The following ITGB5 variants were observed in gnomAD, a reference collection of about 807,000 sequenced individuals.
The protein encoded by ITGB5 is integrin beta-5.
A neutral mutation model predicts 84.8 loss-of-function variants in ITGB5; 38 were observed. The ratio of observed to expected loss-of-function variants is 0.45; its 90% CI spans 0.35 to 0.59. The LOEUF is 0.59. Among genes scored for constraint, ITGB5 ranks in the 20% least tolerant of loss-of-function variants. The pLI is 0.01. For missense variants in ITGB5, 905 were observed against 1,034.5 expected (o/e 0.87, Z 1.72); for synonymous variants, 393 against 414.4 (o/e 0.95, Z 0.63).
At chr3:124,863,998 A>G (rs1559975983) in intron 2 of ITGB5, among the ~76,000 whole-genome samples, 1 of 150,532 alleles carries the variant, frequency 6.6e-6, no homozygotes, top group African/African-American at 2.4e-5. Context: ...AAAAAAAAGA[A>G]AGAGAGAGAG....
chr3:124,784,821 T>A (rs1190574926), intron 10 of ITGB5, among the ~76,000 whole-genome samples: 1 of 152,212 alleles, frequency 6.6e-6, no homozygotes, highest in Non-Finnish European at 1.5e-5. Context: ...CTGGAAAGTG[T>A]GAACTCGCCA....
At position 124,766,876 on chromosome 3, in the gene ITGB5, C is replaced by T. The variant is rs536868680; in HGVS notation, c.2018-531G>A. The stretch of plus-strand genomic sequence containing the variant: ...CACTGGGTGAGAGGCTGGTGCCCAC[C>T]GTGGTGGCCATGCCTGGAGATAAAG... On this transcript the variant is annotated intron_variant, in intron 12 of 14. Coordinates refer to ENST00000296181, the MANE Select transcript of ITGB5 (RefSeq NM_002213.5). Among the ~76,000 whole-genome samples the T allele has an allele frequency of 5.3e-5, 8 of 152,330 alleles. No individual in the cohort carries two copies. In the South Asian group the frequency reaches 6.2e-4, roughly 12 times the overall value.
chr3:124,841,715 C>A lies in ITGB5; in HGVS notation c.612-164G>T, dbSNP rs142088187. On this transcript the variant is annotated intron_variant, in intron 4 of 14. Transcript: ENST00000296181. Reference sequence around the variant, plus strand: ...CAGCAGAGAGAGCAAAGATAAATAACATAGTTCCTGTTCTCCAAACATCAG... The same window carrying A: ...CAGCAGAGAGAGCAAAGATAAATAAAATAGTTCCTGTTCTCCAAACATCAG... Among the ~76,000 whole-genome samples, 4 of 152,336 alleles carry A rather than the reference C, an allele frequency of 2.6e-5. No individual in the cohort carries two copies. The East Asian group carries it at 7.7e-4, about 29-fold the overall frequency.
At chr3:124,856,161 C>T (rs1191276553) in intron 3 of ITGB5, among the ~76,000 whole-genome samples, 2 of 152,184 alleles carry the variant, frequency 1.3e-5, no homozygotes, top group Non-Finnish European at 2.9e-5. Context: ...ACTGAGATTA[C>T]AGGCATAAGC....
At chr3:124,822,921 C>A (rs879551724) in intron 5 of ITGB5, among the ~76,000 whole-genome samples, 1 of 152,028 alleles carries the variant, frequency 6.6e-6, no homozygotes, top group African/African-American at 2.4e-5. Context: ...GGCTTCCCAG[C>A]GCAGACGAAA....
intron 4 of ITGB5, among the ~76,000 whole-genome samples, chr3:124,847,291 TA>T (rs1417756212): frequency 6.6e-6 from 1 of 152,224 alleles, no homozygotes; most frequent in East Asian, 1.9e-4. Flanking sequence ...GTCACTTGCA[TA>T]ATCTTGACAT....
At position 124,848,342 on chromosome 3, in the gene ITGB5, G is replaced by A. The variant is rs747514529; in HGVS notation, c.578C>T (p.Thr193Met). The change falls in exon 4 of 15, where the codon ACG (threonine) becomes ATG (methionine). Residue 193 changes from threonine (T) to methionine (M), a missense_variant. Coordinates refer to ENST00000296181, the MANE Select transcript of ITGB5 (RefSeq NM_002213.5). ...VDKDISPFSY[T>M]APRYQTNPCI... ...CGGATTGGTCTGGTACCTCGGTGCC[G>A]TGTAGGAGAAAGGAGAGATGTCCTT... 2.1e-5 allele frequency: 34 copies of A among 1,614,024 alleles called. No homozygotes were observed. The highest frequency in any genetic ancestry group is 4.4e-5 in the South Asian group (4 of 91,076).
intron 5 of ITGB5, among the ~76,000 whole-genome samples, chr3:124,830,632 G>A (rs576596827): frequency 6.6e-6 from 1 of 152,228 alleles, no homozygotes; most frequent in South Asian, 2.1e-4. Flanking sequence ...CTGCCACCTG[G>A]GTATGGGGCC....
At chr3:124,793,657 G>A (rs1386671336) in intron 10 of ITGB5, among the ~76,000 whole-genome samples, 10 of 152,260 alleles carry the variant, frequency 6.6e-5, no homozygotes, top group Admixed American at 6.5e-4. Flanking sequence ...AGTCACACTA[G>A]CAGATATGGT....
At chr3:124,767,708 A>T (rs2063786883) in intron 12 of ITGB5, among the ~76,000 whole-genome samples, 1 of 152,194 alleles carries the variant, frequency 6.6e-6, no homozygotes, top group African/African-American at 2.4e-5. Flanking sequence ...ACAGTCTCCT[A>T]AGGAGATAGA....
intron 9 of ITGB5, among the ~76,000 whole-genome samples, chr3:124,803,539 G>A (rs1454114792): frequency 1.3e-5 from 2 of 152,226 alleles, no homozygotes; most frequent in African/African-American, 4.8e-5. Flanking sequence ...GTAATGGGGA[G>A]GCAGTGATGA....
At chr3:124,893,645 G>A (rs1935043952) in intron 1 of ITGB5, among the ~76,000 whole-genome samples, 1 of 152,124 alleles carries the variant, frequency 6.6e-6, no homozygotes, top group Non-Finnish European at 1.5e-5. Context: ...CAGGTGACAA[G>A]TCCAGGGGCA....
In ITGB5 at chr3:124,763,639, T is replaced by C. The variant is rs914098505; in HGVS notation, c.2384A>G (p.Asn795Ser). 1.2e-5 allele frequency: 19 copies of C among 1,591,388 alleles called. No homozygotes were observed. In the Admixed American group the frequency reaches 1.3e-4, roughly 11 times the overall value. Residue 795 changes from asparagine to serine, a missense_variant, in exon 15 of 15, where the codon AAT becomes AGT. Physicochemically the swap from Asn to Ser is conservative, Grantham distance 46 (BLOSUM62 1). Around this residue, in one of 3 missense-constraint regions of ITGB5, gnomAD observed 133 missense variants for 122.8 expected, o/e 1.08. Transcript: ENST00000296181. ...FTFNKFNKSY[N>S]GTVD ...AAGGAAACATCAGTCCACAGTGCCATTGTAGGATTTGTTGAACTTGTTGAA... is the reference window on the plus strand; with the variant it reads ...AAGGAAACATCAGTCCACAGTGCCACTGTAGGATTTGTTGAACTTGTTGAA...
At chr3:124,882,521 G>A (rs1934621022) in intron 1 of ITGB5, among the ~76,000 whole-genome samples, 1 of 152,198 alleles carries the variant, frequency 6.6e-6, no homozygotes, top group South Asian at 2.1e-4. Context: ...AGCATGGCTG[G>A]CACGCTGAAG....
intron 5 of ITGB5, among the ~76,000 whole-genome samples, chr3:124,835,191 A>AT (rs2064917146): frequency 6.7e-6 from 1 of 149,430 alleles, no homozygotes. Context: ...ATACTGAGTT[A>AT]TGACTCAGCC....
At chr3:124,853,946 T>C (rs2065190746) in intron 3 of ITGB5, among the ~76,000 whole-genome samples, 1 of 152,228 alleles carries the variant, frequency 6.6e-6, no homozygotes, top group Admixed American at 6.5e-5. Flanking sequence ...ATGACTTTAA[T>C]AAACTATTCT....
At chr3:124,866,945 T>C (rs952651592) in intron 2 of ITGB5, among the ~76,000 whole-genome samples, 8 of 152,230 alleles carry the variant, frequency 5.3e-5, no homozygotes, top group East Asian at 1.9e-4. Context: ...ATTTCTTTCA[T>C]TGAATCTGAC....
chr3:124,770,246 T>G (rs2063822780), intron 11 of ITGB5: 1 of 152,360 alleles, frequency 6.6e-6, no homozygotes, highest in Non-Finnish European at 1.5e-5. Context: ...GACTTTGTGA[T>G]GCAGTGCTGC....
intron 5 of ITGB5, among the ~76,000 whole-genome samples, chr3:124,822,907 G>C (rs1340277184): frequency 2.6e-5 from 4 of 152,278 alleles, no homozygotes; most frequent in East Asian, 1.9e-4. Flanking sequence ...GAGGAGGAGG[G>C]AGAGGCTTCC....
Sources: allele counts gnomAD v4.1 joint callset (sites outside exome capture counted in the v4.1 genomes callset), GRCh38; gene constraint gnomAD v4.1.1; regional missense constraint gnomAD v4.1.1; transcripts MANE v1.5; gene names NCBI Gene and HGNC (gene_info 2026-07-23, HGNC 2026-07-21).